TAB2: variants seen among roughly 807,000 people sequenced by gnomAD.
TAB2 encodes TGF-beta activated kinase 1 (MAP3K7) binding protein 2.
Under a neutral mutation model 65.0 loss-of-function variants are expected in TAB2, and 3 were observed. That is an observed-to-expected ratio of 0.05 (90% CI 0.02 to 0.12). The LOEUF is 0.12. Among genes scored for constraint, TAB2 ranks in the 10% least tolerant of loss-of-function variants. TAB2 has a pLI of 1.00. For missense variants in TAB2, 623 were observed against 840.3 expected (o/e 0.74, Z 3.20); for synonymous variants, 298 against 285.1 (o/e 1.05, Z -0.46).
intron 1 of TAB2, among the ~76,000 whole-genome samples, chr6:149,330,912 GTCAAA>G (rs1779763690): frequency 6.6e-6 from 1 of 152,020 alleles, no homozygotes; most frequent in Non-Finnish European, 1.5e-5. Context: ...TTGTACCTTT[GTCAAA>G]AATCAGATAG....
intron 3 of TAB2, among the ~76,000 whole-genome samples, chr6:149,387,625 A>G (rs750352254): frequency 2.0e-5 from 3 of 152,158 alleles, no homozygotes; most frequent in Non-Finnish European, 4.4e-5. Flanking sequence ...CAGTTTGTCA[A>G]TTTCTACATA....
intron 1 of TAB2, among the ~76,000 whole-genome samples, chr6:149,357,430 A>AAAAC: frequency 1.9e-4 from 21 of 111,182 alleles, no homozygotes; most frequent in African/African-American, 6.2e-4. Flanking sequence ...AGAAAAAAAA[A>AAAAC]ACACACACAC....
intron 1 of TAB2, among the ~76,000 whole-genome samples, chr6:149,253,617 CAAAAA>C (rs1170705031): frequency 1.5e-5 from 1 of 65,300 alleles, no homozygotes; most frequent in African/African-American, 6.5e-5. Flanking sequence ...AAGACTGTCT[CAAAAA>C]AAAAAAAAAA....
rs2744434 is a variant in TAB2 at position 149,410,768 on chromosome 6, C to T, written c.*1049C>T. ...GCTTAAAACAAAAGATATTTTTAACCCACTGACAGAACAACAAGGTTAAGC... is the reference window on the plus strand; with the variant it reads ...GCTTAAAACAAAAGATATTTTTAACTCACTGACAGAACAACAAGGTTAAGC... On this transcript the variant is annotated 3_prime_UTR_variant, in exon 7 of 7. Coordinates refer to ENST00000637181, the MANE Select transcript of TAB2 (RefSeq NM_001292034.3). The T allele has an allele frequency of 0.12, 18,644 of 152,506 alleles. 1,738 individuals carry two copies. The highest frequency in any genetic ancestry group is 0.51 in the East Asian group (2,653 of 5,174). The allele number at this position is 152,506 out of a possible 1,614,324, so 9.4% of individuals were successfully genotyped here.
At chr6:149,221,662 A>G (rs532367) in intron 1 of TAB2, among the ~76,000 whole-genome samples, 89,975 of 151,934 alleles carry the variant, frequency 0.59, 27,354 homozygotes, top group African/African-American at 0.74. Flanking sequence ...TTAACTCGCC[A>G]GGTAAAAGTC....
intron 1 of TAB2, among the ~76,000 whole-genome samples, chr6:149,265,701 T>A (rs6929714): frequency 0.47 from 72,068 of 151,970 alleles, 17,576 homozygotes; most frequent in East Asian, 0.69. Flanking sequence ...GAACTTGGAG[T>A]TGTAAGACTG....
intron 1 of TAB2, among the ~76,000 whole-genome samples, chr6:149,318,227 G>C (rs1779317734): frequency 6.6e-6 from 1 of 152,024 alleles, no homozygotes; most frequent in Admixed American, 6.5e-5. Context: ...CCAGTCCGGT[G>C]GGGGTGGGGA....
intron 1 of TAB2, among the ~76,000 whole-genome samples, chr6:149,320,436 C>G (rs1779404563): frequency 6.6e-6 from 1 of 152,200 alleles, no homozygotes; most frequent in African/African-American, 2.4e-5. Flanking sequence ...TAACAACTTA[C>G]ACTTGGTTAA....
chr6:149,381,741 T>G (rs766278497), intron 3 of TAB2, among the ~76,000 whole-genome samples: 6 of 151,772 alleles, frequency 4.0e-5, no homozygotes, highest in Non-Finnish European at 8.8e-5. Flanking sequence ...TCCAGCTAAC[T>G]TTTTGTATTT....
chr6:149,402,957 G>A (rs902579460), intron 6 of TAB2, among the ~76,000 whole-genome samples: 9 of 152,000 alleles, frequency 5.9e-5, no homozygotes, highest in East Asian at 5.8e-4. Flanking sequence ...CTCTCAGGCC[G>A]GGCACACTGG....
At chr6:149,226,707 T>C (rs1276154153) in intron 1 of TAB2, among the ~76,000 whole-genome samples, 3 of 152,226 alleles carry the variant, frequency 2.0e-5, no homozygotes, top group Non-Finnish European at 2.9e-5. Flanking sequence ...TTTTGTAAGA[T>C]ACTAGGTGCA....
At chr6:149,316,119 C>T (rs928780794), upstream of TAB2, among the ~76,000 whole-genome samples, 2 of 152,086 alleles carry the variant, frequency 1.3e-5, no homozygotes, top group African/African-American at 2.4e-5. Context: ...TGCTGTAAAG[C>T]GTTAAAGTTA....
At chr6:149,387,615 C>T (rs996091139) in intron 3 of TAB2, among the ~76,000 whole-genome samples, 8 of 152,062 alleles carry the variant, frequency 5.3e-5, no homozygotes, top group African/African-American at 1.9e-4. Context: ...ATTTTAGAAT[C>T]AGTTTGTCAA....
intron 1 of TAB2, among the ~76,000 whole-genome samples, chr6:149,276,780 C>A (rs1452545891): frequency 6.6e-6 from 1 of 152,110 alleles, no homozygotes; most frequent in Non-Finnish European, 1.5e-5. Flanking sequence ...ATGATTATAT[C>A]TTTTATTCAA....
At chr6:149,259,837 C>T (rs1488148970) in intron 1 of TAB2, among the ~76,000 whole-genome samples, 10 of 152,182 alleles carry the variant, frequency 6.6e-5, no homozygotes, top group Admixed American at 2.0e-4. Flanking sequence ...GTGTCAGAGC[C>T]GGGACATAGC....
chr6:149,300,637 G>C (rs1331583228), intron 1 of TAB2, among the ~76,000 whole-genome samples: 1 of 152,128 alleles, frequency 6.6e-6, no homozygotes, highest in Admixed American at 6.5e-5. Flanking sequence ...GTCAGTCATT[G>C]GTTAGGAACC....
At chr6:149,271,136 A>T (rs1220181348) in intron 1 of TAB2, among the ~76,000 whole-genome samples, 1 of 151,876 alleles carries the variant, frequency 6.6e-6, no homozygotes, top group African/African-American at 2.4e-5. Context: ...TGAGCCCAGG[A>T]GTTAGAGGCT....
chr6:149,252,164 T>C (rs764588598), intron 1 of TAB2, among the ~76,000 whole-genome samples: 31 of 151,950 alleles, frequency 2.0e-4, no homozygotes, highest in Non-Finnish European at 3.7e-4. Flanking sequence ...CCCAGCACTT[T>C]GGGAGGCCGA....
At chr6:149,280,368 CAG>C (rs528427752) in intron 1 of TAB2, among the ~76,000 whole-genome samples, 3 of 152,168 alleles carry the variant, frequency 2.0e-5, no homozygotes, top group African/African-American at 7.2e-5. Flanking sequence ...CTAAAACTGT[CAG>C]AGTGATCTTT....
Sources: allele counts gnomAD v4.1 joint callset (sites outside exome capture counted in the v4.1 genomes callset), GRCh38; gene constraint gnomAD v4.1.1; transcripts MANE v1.5; gene names NCBI Gene and HGNC (gene_info 2026-07-23, HGNC 2026-07-21).